MIPOL1: variants seen among roughly 807,000 people sequenced by gnomAD.
The protein encoded by MIPOL1 is mirror-image polydactyly 1.
Under a neutral mutation model 60.9 loss-of-function variants are expected in MIPOL1, and 57 were observed. The observed-to-expected ratio is 0.94, with a 90% CI of 0.76 to 1.17. The LOEUF is 1.17. MIPOL1 is among the 50% of genes most tolerant of loss of function. The pLI, the probability that MIPOL1 is intolerant of heterozygous loss-of-function variation, is 0.00. For missense variants in MIPOL1, 551 were observed against 511.6 expected, an observed-to-expected ratio of 1.08 and a Z score of -0.74; for synonymous variants, 179 against 168.8, an observed-to-expected ratio of 1.06 and a Z score of -0.47.
chr14:37,404,275 A>G (rs1400554829), intron 10 of MIPOL1, among the ~76,000 whole-genome samples: 1 of 152,136 alleles, frequency 6.6e-6, no homozygotes, highest in African/African-American at 2.4e-5. Flanking sequence ...TTTTGGGTTT[A>G]GTAAAATTGC....
chr14:37,385,609 A>G (rs2093044163), intron 10 of MIPOL1: 1 of 152,018 alleles, frequency 6.6e-6, no homozygotes, highest in African/African-American at 2.4e-5. Context: ...TGTTGCAAGC[A>G]TTTGGTTCTT....
In MIPOL1 at chr14:37,490,716, C is replaced by G. The variant is rs185025197; in HGVS notation, c.1032-9192C>G. Among the ~76,000 whole-genome samples, 1,004 of 152,154 alleles carry G rather than the reference C, an allele frequency of 6.6e-3. 14 individuals carry two copies. The highest frequency in any genetic ancestry group is 5.4e-3 in the Non-Finnish European group (367 of 68,004). ...TGGGTAGGGAAGAGAATTTCCTGAC[C>G]CCTTAACACTTCCCAGATGAGGCAA... On this transcript the variant is annotated intron_variant, in intron 11 of 12. Transcript: ENST00000684589.
chr14:37,374,188 G>A (rs1351219737), intron 10 of MIPOL1, among the ~76,000 whole-genome samples: 1 of 152,140 alleles, frequency 6.6e-6, no homozygotes, highest in African/African-American at 2.4e-5. Context: ...CTTCTTTTGA[G>A]AAGTGTCTGT....
chr14:37,526,536 A>AT (rs1296907690), intron 12 of MIPOL1, among the ~76,000 whole-genome samples: 1 of 144,318 alleles, frequency 6.9e-6, no homozygotes, highest in Non-Finnish European at 1.5e-5. Context: ...CACCTGGCTA[A>AT]TTTTTTGTAT....
intron 11 of MIPOL1, among the ~76,000 whole-genome samples, chr14:37,446,811 A>G (rs988580451): frequency 6.6e-6 from 1 of 152,082 alleles, no homozygotes; most frequent in African/African-American, 2.4e-5. Context: ...ATTCTCAGCA[A>G]ACTATTGCAA....
At chr14:37,395,503 T>C (rs1055353368) in intron 10 of MIPOL1, among the ~76,000 whole-genome samples, 1 of 152,160 alleles carries the variant, frequency 6.6e-6, no homozygotes. Flanking sequence ...TTTATTTATT[T>C]ATTTATTTTG....
chr14:37,490,584 G>A (rs1363387533), intron 11 of MIPOL1, among the ~76,000 whole-genome samples: 1 of 152,212 alleles, frequency 6.6e-6, no homozygotes, highest in Admixed American at 6.5e-5. Flanking sequence ...GGTGGCGTAG[G>A]CACCAGAGGG....
At chr14:37,545,217 T>G (rs1268796494) in intron 12 of MIPOL1, among the ~76,000 whole-genome samples, 1 of 152,228 alleles carries the variant, frequency 6.6e-6, no homozygotes, top group African/African-American at 2.4e-5. Context: ...ATTTAATGGT[T>G]ATTTCAAGTT....
At chr14:37,439,617 C>T (rs1005694841) in intron 11 of MIPOL1, among the ~76,000 whole-genome samples, 8 of 152,086 alleles carry the variant, frequency 5.3e-5, no homozygotes, top group African/African-American at 1.9e-4. Context: ...ACAGAATGAA[C>T]TCTACACGTA....
chr14:37,455,873 G>C (rs969130245), intron 11 of MIPOL1, among the ~76,000 whole-genome samples: 79 of 152,090 alleles, frequency 5.2e-4, no homozygotes, highest in African/African-American at 1.9e-3. Context: ...TTTTAAATGT[G>C]TTTCATTGTG....
chr14:37,527,594 T>C (rs1415083005), intron 12 of MIPOL1, among the ~76,000 whole-genome samples: 3 of 152,094 alleles, frequency 2.0e-5, no homozygotes, highest in Non-Finnish European at 4.4e-5. Context: ...AGTGAGAGGT[T>C]TGAACCCTTA....
intron 10 of MIPOL1, among the ~76,000 whole-genome samples, chr14:37,421,968 T>A (rs186536881): frequency 3.9e-5 from 6 of 152,188 alleles, no homozygotes; most frequent in Admixed American, 1.3e-4. Context: ...AACAATTTGC[T>A]CTGTGTTACC....
chr14:37,292,217 C>T (rs1482524371), intron 7 of MIPOL1, among the ~76,000 whole-genome samples: 1 of 151,710 alleles, frequency 6.6e-6, no homozygotes, highest in African/African-American at 2.4e-5. Context: ...GAAGCGAAGC[C>T]ACCACGCCCA....
intron 9 of MIPOL1, among the ~76,000 whole-genome samples, chr14:37,357,780 C>T (rs2091945368): frequency 6.6e-6 from 1 of 151,578 alleles, no homozygotes; most frequent in South Asian, 2.1e-4. Context: ...TCTCATTTGT[C>T]CATTTTTGTT....
At chr14:37,222,899 C>T (rs1394077510) in intron 1 of MIPOL1, among the ~76,000 whole-genome samples, 1 of 152,118 alleles carries the variant, frequency 6.6e-6, no homozygotes, top group Non-Finnish European at 1.5e-5. Context: ...AGCAACAGCC[C>T]TACTCCTTGG....
chr14:37,286,964 C>G (rs537114742), intron 7 of MIPOL1, among the ~76,000 whole-genome samples: 1 of 152,084 alleles, frequency 6.6e-6, no homozygotes, highest in Non-Finnish European at 1.5e-5. Flanking sequence ...AATTCATTCT[C>G]TATATGTTGT....
chr14:37,531,258 C>T (rs995137993), intron 12 of MIPOL1, among the ~76,000 whole-genome samples: 6 of 152,064 alleles, frequency 3.9e-5, no homozygotes, highest in African/African-American at 4.8e-5. Context: ...AGACTATATT[C>T]GCCCTTGTAC....
intron 10 of MIPOL1, among the ~76,000 whole-genome samples, chr14:37,377,224 A>G (rs2092800645): frequency 6.6e-6 from 1 of 152,262 alleles, no homozygotes; most frequent in African/African-American, 2.4e-5. Flanking sequence ...AAAGTTAAAT[A>G]CTTTCTCAGC....
At chr14:37,421,418 T>G (rs570248837) in intron 10 of MIPOL1, among the ~76,000 whole-genome samples, 2 of 152,302 alleles carry the variant, frequency 1.3e-5, no homozygotes, top group African/African-American at 4.8e-5. Flanking sequence ...TGATTCTTTT[T>G]GACCTGCCAT....
Sources: allele counts gnomAD v4.1 joint callset (sites outside exome capture counted in the v4.1 genomes callset), GRCh38; gene constraint gnomAD v4.1.1; transcripts MANE v1.5; gene names NCBI Gene and HGNC (gene_info 2026-07-23, HGNC 2026-07-21).